LRP1B: variants seen among roughly 807,000 people sequenced by gnomAD.
LRP1B encodes the protein low-density lipoprotein receptor-related protein 1B.
LRP1B carries 217 observed loss-of-function variants against 556.6 expected under a neutral mutation model. The observed-to-expected ratio is 0.39, with a 90% CI of 0.35 to 0.44. LRP1B has a LOEUF of 0.44. LRP1B is among the 20% of genes least tolerant of loss of function. LRP1B has a pLI of 1.00. For synonymous variants in LRP1B, 2,047 were observed against 1,865.8 expected, an observed-to-expected ratio of 1.10 and a Z score of -2.50; for missense variants, 5,053 against 5,620.8, an observed-to-expected ratio of 0.90 and a Z score of 3.23.
chr2:140,426,360 A>AT lies in LRP1B; in HGVS notation c.10414+16143dup, dbSNP rs1258809791. Among the ~76,000 whole-genome samples, 104 of 152,196 alleles carry AT rather than the reference A, an allele frequency of 6.8e-4. 2 individuals carry two copies. The highest frequency in any genetic ancestry group is 2.4e-3 in the African/African-American group (99 of 41,514). ...CTTATATTGTATGCAGTAATTATCAATTTTCTTTTTTCTGACTCAATGAAA... is the reference window on the plus strand; with the variant it reads ...CTTATATTGTATGCAGTAATTATCAATTTTTCTTTTTTCTGACTCAATGAAA... On this transcript the variant is annotated intron_variant, in intron 66 of 90. Coordinates refer to ENST00000389484, the MANE Select transcript of LRP1B (RefSeq NM_018557.3).
intron 3 of LRP1B, among the ~76,000 whole-genome samples, chr2:141,356,273 A>G (rs2105552307): frequency 6.6e-6 from 1 of 152,306 alleles, no homozygotes; most frequent in South Asian, 2.1e-4. Context: ...GTCTGTACTC[A>G]GTGGCAGCAA....
intron 87 of LRP1B, among the ~76,000 whole-genome samples, chr2:140,245,363 A>C (rs1484986466): frequency 1.3e-5 from 2 of 151,250 alleles, no homozygotes; most frequent in Non-Finnish European, 3.0e-5. Context: ...CCAAACACCA[A>C]ACTTTCCCTT....
chr2:141,853,464 A>T (rs138782883), intron 1 of LRP1B, among the ~76,000 whole-genome samples: 1 of 151,666 alleles, frequency 6.6e-6, no homozygotes, highest in East Asian at 1.9e-4. Flanking sequence ...CAAGTACTGC[A>T]CTCTACAAAG....
At chr2:141,061,505 A>C (rs2105467022) in intron 8 of LRP1B, among the ~76,000 whole-genome samples, 1 of 151,922 alleles carries the variant, frequency 6.6e-6, no homozygotes, top group African/African-American at 2.4e-5. Context: ...TCAGCAAAGT[A>C]AAAAGTAACA....
chr2:141,675,801 T>C (rs181540920), intron 2 of LRP1B, among the ~76,000 whole-genome samples: 1 of 152,090 alleles, frequency 6.6e-6, no homozygotes, highest in East Asian at 1.9e-4. Flanking sequence ...TCTTCACTGA[T>C]TCACTTTAAT....
At chr2:140,311,886 C>CA (rs1364760166) in intron 83 of LRP1B, among the ~76,000 whole-genome samples, 49 of 151,936 alleles carry the variant, frequency 3.2e-4, no homozygotes, top group African/African-American at 1.1e-3. Context: ...TTATGCCCCA[C>CA]GTACATATGT....
intron 2 of LRP1B, among the ~76,000 whole-genome samples, chr2:141,520,753 T>G (rs1251414004): frequency 1.3e-5 from 2 of 152,124 alleles, no homozygotes; most frequent in Non-Finnish European, 2.9e-5. Flanking sequence ...TATCTGTAAC[T>G]CCTTACAATA....
Position 141,768,169 on chromosome 2 carries a change from C to T in LRP1B, c.205+42110G>A, listed in dbSNP as rs115139756. The stretch of plus-strand genomic sequence containing the variant: ...CAATGACAAGTTTCACAACTTCCTA[C>T]ATAATGAAGAATATTAATATTCTTT... On this transcript the variant is annotated intron_variant, in intron 2 of 90. Coordinates refer to ENST00000389484, the MANE Select transcript of LRP1B (RefSeq NM_018557.3). Among the ~76,000 whole-genome samples the T allele has an allele frequency of 5.2e-3, 799 of 152,222 alleles. 9 individuals carry two copies. Among genetic ancestry groups the T allele is most frequent in the African/African-American group, 0.018 (766 of 41,552 alleles).
chr2:140,773,088 CAACAAACAAACA>C (rs201778171), intron 33 of LRP1B, among the ~76,000 whole-genome samples: 4 of 151,738 alleles, frequency 2.6e-5, no homozygotes, highest in African/African-American at 4.8e-5. Context: ...GAGACTGTCT[CAACAAACAAACA>C]AACAAACAAA....
chr2:140,626,319 A>G (rs911414361), intron 41 of LRP1B, among the ~76,000 whole-genome samples: 1 of 152,170 alleles, frequency 6.6e-6, no homozygotes, highest in African/African-American at 2.4e-5. Context: ...ATTTGTTGAA[A>G]GTCACAGAAT....
chr2:140,810,831 G>C (rs778361405), intron 32 of LRP1B, among the ~76,000 whole-genome samples: 1 of 152,128 alleles, frequency 6.6e-6, no homozygotes, highest in Non-Finnish European at 1.5e-5. Context: ...CCACCTCCCA[G>C]GTTCAAGCGA....
At chr2:141,517,259 T>TACACACACACACACAAACACACACATAC (rs71281835) in intron 2 of LRP1B, among the ~76,000 whole-genome samples, 1 of 141,390 alleles carries the variant, frequency 7.1e-6, no homozygotes, top group Admixed American at 7.1e-5. Context: ...AGGACAAGAA[T>TACACACACACACACAAACACACACATAC]ACGCACACAC....
chr2:140,352,802 A>T (rs1682031648), intron 76 of LRP1B, 151 bp downstream of exon 76: 1 of 680,122 alleles, frequency 1.5e-6, no homozygotes, highest in Non-Finnish European at 2.4e-6. Flanking sequence ...AAATTCATTA[A>T]TATTAACTAA....
At chr2:140,704,261 G>A (rs1414967208) in intron 37 of LRP1B, among the ~76,000 whole-genome samples, 2 of 152,044 alleles carry the variant, frequency 1.3e-5, no homozygotes, top group Non-Finnish European at 2.9e-5. Flanking sequence ...AGTTATTTAA[G>A]TACAAAGTGA....
chr2:141,634,300 C>A (rs1369246993), intron 2 of LRP1B, among the ~76,000 whole-genome samples: 1 of 151,848 alleles, frequency 6.6e-6, no homozygotes, highest in African/African-American at 2.4e-5. Flanking sequence ...ACAAATATGA[C>A]CAACAAAATG....
At chr2:140,278,406 C>A (rs2104960493) in intron 84 of LRP1B, among the ~76,000 whole-genome samples, 1 of 152,118 alleles carries the variant, frequency 6.6e-6, no homozygotes, top group East Asian at 1.9e-4. Flanking sequence ...GGCACATAAG[C>A]AACCTTAGAA....
At chr2:141,300,676 C>A (rs550432908) in intron 3 of LRP1B, among the ~76,000 whole-genome samples, 1 of 152,122 alleles carries the variant, frequency 6.6e-6, no homozygotes, top group Non-Finnish European at 1.5e-5. Flanking sequence ...AGCATTCCCC[C>A]GCCCCTCTCG....
At chr2:141,375,267 G>A (rs1689385495) in intron 3 of LRP1B, among the ~76,000 whole-genome samples, 1 of 152,162 alleles carries the variant, frequency 6.6e-6, no homozygotes, top group South Asian at 2.1e-4. Context: ...AATGGTGGCA[G>A]CATTTGGCTG....
intron 83 of LRP1B, among the ~76,000 whole-genome samples, chr2:140,306,599 A>G (rs1684077172): frequency 6.7e-6 from 1 of 149,906 alleles, no homozygotes; most frequent in Admixed American, 6.7e-5. Context: ...CTGTTCAAAA[A>G]AACAGCTCCT....
Sources: allele counts gnomAD v4.1 joint callset (sites outside exome capture counted in the v4.1 genomes callset), GRCh38; gene constraint gnomAD v4.1.1; transcripts MANE v1.5; gene names NCBI Gene and HGNC (gene_info 2026-07-23, HGNC 2026-07-21).